WWC1: variants seen among roughly 807,000 people sequenced by gnomAD.
The protein encoded by WWC1 is WW and C2 domain containing 1, also known as protein KIBRA.
In WWC1, 55 loss-of-function variants were observed where a neutral mutation model predicts 138.4. That is an observed-to-expected ratio of 0.40 (90% CI 0.32 to 0.50). The LOEUF is 0.50. Among genes scored for constraint, WWC1 ranks in the 20% least tolerant of loss-of-function variants. The pLI is 0.72. For missense variants in WWC1, 1,226 were observed against 1,420.4 expected (o/e 0.86, Z 2.20); for synonymous variants, 524 against 564.9 (o/e 0.93, Z 1.03).
At chr5:168,419,422 T>C (rs1176001817) in intron 9 of WWC1, among the ~76,000 whole-genome samples, 1 of 152,228 alleles carries the variant, frequency 6.6e-6, no homozygotes, top group Admixed American at 6.5e-5. Context: ...TGGTGGGCAC[T>C]GTGCTGGGTG....
At chr5:168,359,263 G>A (rs868642180) in intron 1 of WWC1, among the ~76,000 whole-genome samples, 3 of 152,036 alleles carry the variant, frequency 2.0e-5, no homozygotes, top group Admixed American at 6.6e-5. Flanking sequence ...CATGTTGCCC[G>A]GGCTAGTGTT....
chr5:168,443,166 G>A (rs934520379), intron 16 of WWC1, among the ~76,000 whole-genome samples: 6 of 152,158 alleles, frequency 3.9e-5, no homozygotes, highest in African/African-American at 1.2e-4. Flanking sequence ...TCCCTCTGTC[G>A]ATACTTGGTT....
chr5:168,299,146 G>A (rs1453389200), intron 1 of WWC1, among the ~76,000 whole-genome samples: 4 of 152,068 alleles, frequency 2.6e-5, no homozygotes, highest in African/African-American at 9.7e-5. Context: ...CAGGACTGGA[G>A]CCCACCTAGC....
chr5:168,337,207 C>T (rs1773553398), intron 1 of WWC1, among the ~76,000 whole-genome samples: 1 of 152,222 alleles, frequency 6.6e-6, no homozygotes, highest in African/African-American at 2.4e-5. Context: ...TCTCTCCCCA[C>T]TCCCACTGGT....
At chr5:168,297,626 C>CAAAA (rs70976474) in intron 1 of WWC1, among the ~76,000 whole-genome samples, 14 of 54,656 alleles carry the variant, frequency 2.6e-4, no homozygotes, top group African/African-American at 3.7e-4. Flanking sequence ...AACTCCATCT[C>CAAAA]AAAAAAAAAA....
chr5:168,310,863 G>A (rs1038076431), intron 1 of WWC1, among the ~76,000 whole-genome samples: 3 of 134,958 alleles, frequency 2.2e-5, no homozygotes, highest in African/African-American at 5.3e-5. Context: ...TTGGAGATAC[G>A]TTTCTTTTTA....
At chr5:168,455,602 C>G (rs1756248433) in intron 19 of WWC1, 82 bp downstream of exon 19, 1 of 1,535,516 alleles carries the variant, frequency 6.5e-7, no homozygotes. Context: ...TCCCATTACT[C>G]TCATGTTATT....
chr5:168,432,253 C>T (rs993360760), intron 15 of WWC1, among the ~76,000 whole-genome samples: 22 of 152,114 alleles, frequency 1.4e-4, no homozygotes, highest in Non-Finnish European at 2.8e-4. Flanking sequence ...AGATAGCACC[C>T]GTAAAACACC....
At chr5:168,326,371 C>A (rs867560471) in intron 1 of WWC1, among the ~76,000 whole-genome samples, 5 of 152,050 alleles carry the variant, frequency 3.3e-5, no homozygotes, top group Non-Finnish European at 5.9e-5. Context: ...GCATGTGCCA[C>A]CACGCCCAGC....
rs1414620645 is a variant in WWC1, at chr5:168,471,485, G to A, written c.*2468G>A. ...CACAAGGATGGTCTCGTGCTGCTCT[G>A]TGGCACCTGTGCCTACACTCCTCTG... On this transcript the variant is annotated 3_prime_UTR_variant, in exon 23 of 23. Coordinates refer to ENST00000265293, the MANE Select transcript of WWC1 (RefSeq NM_015238.3). 6.6e-6 allele frequency: 1 copy of A among 152,294 alleles called. No individual in the cohort carries two copies. Among genetic ancestry groups the A allele is most frequent in the African/African-American group, 2.4e-5 (1 of 41,450 alleles). The allele number at this position is 152,294 out of a possible 1,614,324, so 9.4% of individuals were successfully genotyped here.
chr5:168,462,422 T>C (rs1410306208), intron 20 of WWC1, among the ~76,000 whole-genome samples: 3 of 152,082 alleles, frequency 2.0e-5, no homozygotes, highest in Non-Finnish European at 2.9e-5. Flanking sequence ...AAAAGTTACC[T>C]GGGGAGCTTG....
chr5:168,468,791 A>G (rs1757515471), intron 22 of WWC1, among the ~76,000 whole-genome samples, 160 bp from the exon 23 acceptor site: 1 of 152,204 alleles, frequency 6.6e-6, no homozygotes, highest in Admixed American at 6.5e-5. Flanking sequence ...CTGGAGGTCA[A>G]GGATACAGCC....
chr5:168,403,078 C>CTTTCTTTCT (rs1561712585), intron 5 of WWC1, among the ~76,000 whole-genome samples: 1 of 70,846 alleles, frequency 1.4e-5, no homozygotes, highest in African/African-American at 5.6e-5. Context: ...TTCTTTCTTT[C>CTTTCTTTCT]TTTTCTTTCT....
intron 16 of WWC1, among the ~76,000 whole-genome samples, chr5:168,442,424 G>A (rs1332385540): frequency 3.9e-5 from 5 of 129,462 alleles, no homozygotes; most frequent in East Asian, 2.3e-4. Context: ...GCAACATGGT[G>A]AGGCCTTGTC....
intron 17 of WWC1, among the ~76,000 whole-genome samples, chr5:168,448,025 A>T (rs1397126345): frequency 6.6e-6 from 1 of 152,160 alleles, no homozygotes; most frequent in South Asian, 2.1e-4. Context: ...TTGTGCTGAG[A>T]CTTTTCAAGC....
At chr5:168,427,861 G>C (rs1781626388) in intron 11 of WWC1, among the ~76,000 whole-genome samples, 172 bp from the exon 12 acceptor site, 1 of 152,040 alleles carries the variant, frequency 6.6e-6, no homozygotes, top group Non-Finnish European at 1.5e-5. Context: ...TTGGGAGGCG[G>C]AGGTGGGAGG....
intron 1 of WWC1, among the ~76,000 whole-genome samples, chr5:168,294,140 T>G (rs1769312518): frequency 6.6e-6 from 1 of 152,176 alleles, no homozygotes; most frequent in Admixed American, 6.5e-5. Flanking sequence ...GGACTTCTAA[T>G]ACAGCAATAG....
At chr5:168,430,514 G>A (rs1333207782) in intron 14 of WWC1, among the ~76,000 whole-genome samples, 1 of 152,232 alleles carries the variant, frequency 6.6e-6, no homozygotes, top group Non-Finnish European at 1.5e-5. Context: ...GTGGTGAGCA[G>A]ATCCTTCCTG....
chr5:168,348,251 T>TGTGTGTGCACGG (rs1176459904), intron 1 of WWC1, among the ~76,000 whole-genome samples: 4 of 152,136 alleles, frequency 2.6e-5, no homozygotes, highest in East Asian at 1.9e-4. Flanking sequence ...GTGACTGTGA[T>TGTGTGTGCACGG]GTGTGTGCAC....
Sources: gnomAD v4.1 joint callset for allele counts (sites outside exome capture counted in the v4.1 genomes callset) on GRCh38, gnomAD v4.1.1 for gene constraint, MANE v1.5 for transcripts, NCBI Gene and HGNC (gene_info 2026-07-23, HGNC 2026-07-21) for gene names.